GNAT2: variants seen among roughly 807,000 people sequenced by gnomAD.
The protein encoded by GNAT2 is G protein subunit alpha transducin 2.
A neutral mutation model predicts 40.9 loss-of-function variants in GNAT2; 32 were observed. That is an observed-to-expected ratio of 0.78 (90% CI 0.59 to 1.05). The LOEUF (loss-of-function observed/expected upper bound fraction) is 1.05, where lower values mean the gene tolerates loss of function less well. GNAT2 is among the 50% of genes least tolerant of loss of function. The pLI is 0.00. For synonymous variants in GNAT2, 141 were observed against 157.2 expected (o/e 0.90, Z 0.77); for missense variants, 355 against 431.5 (o/e 0.82, Z 1.57).
chr1:109,614,191 C>T (rs1219612647), intron 1 of GNAT2: 1 of 152,194 alleles, frequency 6.6e-6, no homozygotes, highest in Admixed American at 6.5e-5. Flanking sequence ...ACTTCTGATT[C>T]AGAATCCGCA....
intron 2 of GNAT2, 82 bp downstream of exon 2, chr1:109,612,671 G>A (rs1649832652): frequency 1.2e-6 from 1 of 849,854 alleles, no homozygotes; most frequent in Non-Finnish European, 2.1e-6. Flanking sequence ...TCCTTCCCAT[G>A]GGGTGAGGTA....
chr1:109,612,182 T>C (rs988779023), intron 2 of GNAT2: 7 of 174,788 alleles, frequency 4.0e-5, no homozygotes, highest in Non-Finnish European at 7.5e-5. Context: ...AGCTATTGAA[T>C]AGAGAGCCAG....
intron 1 of GNAT2, chr1:109,615,281 G>A (rs1038578451): frequency 5.3e-5 from 8 of 152,090 alleles, no homozygotes; most frequent in African/African-American, 1.9e-4. Context: ...GAGGTGGGTG[G>A]ATGACCTGAG....
intron 7 of GNAT2, 69 bp from the exon 8 acceptor site, chr1:109,604,173 T>A (rs994147843): frequency 2.0e-5 from 25 of 1,247,068 alleles, no homozygotes; most frequent in Non-Finnish European, 2.9e-5. Context: ...TTCCTGCTCT[T>A]GTTCCCCTTG....
Position 109,612,850 on chromosome 1 carries a change from A to C in GNAT2, c.21T>G (p.Ala7=). Residue 7 remains alanine, a synonymous_variant, in exon 2 of 9, where the codon GCT becomes GCG. Transcript: ENST00000679935. ...ACCTCTTGGCCAGTTCTTTGTCCTC[A>C]GCACTGGCTCCACTTCCCATATTTG... The part of the protein sequence containing the change: MGSGAS[A]EDKELAKRSK... 4 of 1,611,160 alleles carry C rather than the reference A, an allele frequency of 2.5e-6. No individual in the cohort carries two copies. The highest frequency in any genetic ancestry group is 3.4e-6 in the Non-Finnish European group (4 of 1,177,410).
Position 109,613,051 on chromosome 1 carries a change from G to A in GNAT2, c.-53-128C>T, listed in dbSNP as rs1428447541. On this transcript the variant is annotated intron_variant, in intron 1 of 8. Coordinates refer to ENST00000679935, the MANE Select transcript of GNAT2 (RefSeq NM_001377295.2). ...TAGGGTCTTGTACTCTGCCTACATT[G>A]ACTGAGACTCCCTACTTCAACTGGA... 63 of 688,892 alleles carry A rather than the reference G, an allele frequency of 9.1e-5. No homozygotes were observed. In the East Asian group the frequency reaches 1.6e-3, roughly 18 times the overall value. The allele number at this position is 688,892 out of a possible 1,614,324, so 42.7% of individuals were successfully genotyped here.
In GNAT2 at chr1:109,603,424, A is replaced by G. The variant is rs746845652; in HGVS notation, c.995T>C (p.Val332Ala). The change falls in exon 9 of 9, where the codon GTC becomes GCC. Residue 332 changes from valine to alanine, a missense_variant. By Grantham distance (64) the Val-to-Ala change is moderately conservative. Transcript: ENST00000679935. ...TGTAACTGCATCAAACACAAATTTGACATTCTGTGTATCTGTAGCACAGGT... is the reference window on the plus strand; with the variant it reads ...TGTAACTGCATCAAACACAAATTTGGCATTCTGTGTATCTGTAGCACAGGT... ...HMTCATDTQN[V>A]KFVFDAVTDI... 6.2e-7 allele frequency: 1 copy of G among 1,602,194 alleles called. No homozygotes were observed. The highest frequency in any genetic ancestry group is 8.6e-7 in the Non-Finnish European group (1 of 1,169,132).
Position 109,603,314 on chromosome 1 carries a change from A to G in GNAT2, c.*40T>C. 1 of 1,139,218 alleles carries G rather than the reference A, an allele frequency of 8.8e-7. No homozygotes were observed. The highest frequency in any genetic ancestry group is 1.2e-5 in the South Asian group (1 of 81,410). 70.6% of individuals were successfully genotyped at this position (1,139,218 alleles called of 1,614,324 possible). On this transcript the variant is annotated 3_prime_UTR_variant, in exon 9 of 9. Coordinates refer to ENST00000679935, the MANE Select transcript of GNAT2 (RefSeq NM_001377295.2). Reference sequence around the variant, plus strand: ...TTCTGTTTTTAATTACCCAGATTCCAAGCCTGTTTATAGAACTTATACCTG... The same window carrying G: ...TTCTGTTTTTAATTACCCAGATTCCGAGCCTGTTTATAGAACTTATACCTG...
intron 5 of GNAT2, chr1:109,606,954 G>C (rs1055050208): frequency 6.1e-6 from 1 of 163,450 alleles, no homozygotes; most frequent in African/African-American, 2.4e-5. Flanking sequence ...TTATAAAAAG[G>C]GTCAATATTT....
chr1:109,609,950 A>G, intron 4 of GNAT2, 90 bp downstream of exon 4: 1 of 1,298,722 alleles, frequency 7.7e-7, no homozygotes, highest in South Asian at 1.2e-5. Flanking sequence ...TTTCTTACCC[A>G]TCTTTCCATA....
chr1:109,612,190 C>T (rs1649816202), intron 2 of GNAT2: 1 of 176,952 alleles, frequency 5.7e-6, no homozygotes, highest in Admixed American at 5.4e-5. Context: ...AATAGAGAGC[C>T]AGGAAGGGAC....
At position 109,608,695 on chromosome 1, in the gene GNAT2, C is replaced by T. The variant is rs754150816; in HGVS notation, c.397G>A (p.Asp133Asn). ...LVEVIRRLWK[D>N]GGVQACFERA... ...TCGAAGCAGGCTTGCACCCCACCAT[C>T]CTTCCACAACCTCCTAATGACCTCC... The change falls in exon 5 of 9, where the codon GAT becomes AAT. Residue 133 changes from aspartate to asparagine, a missense_variant. By Grantham distance (23) the Asp-to-Asn change is conservative (BLOSUM62 1). Coordinates refer to ENST00000679935, the MANE Select transcript of GNAT2 (RefSeq NM_001377295.2). The T allele has an allele frequency of 3.7e-6, 6 of 1,614,054 alleles. No homozygotes were observed. Among genetic ancestry groups the T allele is most frequent in the Non-Finnish European group, 4.2e-6 (5 of 1,179,906 alleles).
At position 109,603,980 on chromosome 1, in the gene GNAT2, T is replaced by C; in HGVS notation, c.845A>G (p.His282Arg). The change falls in exon 8 of 9, where the codon CAT becomes CGT. Residue 282 changes from histidine to arginine, a missense_variant. Transcript: ENST00000679935. ...DLFEEKIKKV[H>R]LSICFPEYDG... Reference sequence around the variant, plus strand: ...ATACTCTGGAAAACAAATGCTGAGATGGACTTTCTTGATTTTTTCCTCAAA... The same window carrying C: ...ATACTCTGGAAAACAAATGCTGAGACGGACTTTCTTGATTTTTTCCTCAAA... 1.2e-6 allele frequency: 2 copies of C among 1,610,414 alleles called. No homozygotes were observed. The highest frequency in any genetic ancestry group is 1.7e-6 in the Non-Finnish European group (2 of 1,176,688).
At chr1:109,609,104 G>T in intron 4 of GNAT2, 1 of 411,164 alleles carries the variant, frequency 2.4e-6, no homozygotes, top group Non-Finnish European at 4.6e-6. Context: ...GTCCTCTGCT[G>T]CAGAGAGACT....
rs750410966 is a variant in GNAT2, at chr1:109,603,542, T to C, written c.877A>G (p.Asn293Asp). Residue 293 changes from asparagine to aspartate, a missense_variant and splice_region_variant, in exon 9 of 9, where the codon AAC (asparagine) becomes GAC (aspartate). Asn to Asp is a conservative substitution (Grantham distance 23). Transcript: ENST00000679935. ...LSICFPEYDG[N>D]NSYDDAGNYI... ...TTCCCCGCATCATCATAGGAGTTGTTACCTGGTTTTCCAGAAAAATAGTGA... is the reference window on the plus strand; with the variant it reads ...TTCCCCGCATCATCATAGGAGTTGTCACCTGGTTTTCCAGAAAAATAGTGA... 1.2e-6 allele frequency: 2 copies of C among 1,603,010 alleles called. No homozygotes were observed. Among genetic ancestry groups the C allele is most frequent in the Admixed American group, 3.3e-5 (2 of 60,002 alleles).
At chr1:109,610,845 A>T in intron 2 of GNAT2, 1 of 404,994 alleles carries the variant, frequency 2.5e-6, no homozygotes, top group Non-Finnish European at 4.6e-6. Context: ...CCAAATGACC[A>T]CTGGCAGTCA....
At position 109,610,046 on chromosome 1, in the gene GNAT2, G is replaced by T. The variant is rs1279813193; in HGVS notation, c.297C>A (p.Ser99Arg). Residue 99 changes from serine to arginine, a missense_variant, in exon 4 of 9, where the codon AGC (serine) becomes AGA (arginine). Ser to Arg is a moderately radical substitution (Grantham distance 110, BLOSUM62 -1). Transcript: ENST00000679935. ...CATAATAGTAATCACATACCGCACA[G>T]CTTGGTTCAGCATAATCGATGCCCA... is the stretch of plus-strand genomic sequence containing the variant. ...TTLGIDYAEP[S>R]CADDGRQLNN... The T allele has an allele frequency of 6.2e-7, 1 of 1,614,022 alleles. No individual in the cohort carries two copies. Among genetic ancestry groups the T allele is most frequent in the Admixed American group, 1.7e-5 (1 of 60,018 alleles).
chr1:109,603,617 T>C, intron 8 of GNAT2, 73 bp from the exon 9 acceptor site: 1 of 994,888 alleles, frequency 1.0e-6, no homozygotes, highest in South Asian at 1.3e-5. Context: ...CTTTAGGTGA[T>C]TGACTTGATC....
At chr1:109,605,247 G>C (rs147351007) in intron 7 of GNAT2, 1 of 153,194 alleles carries the variant, frequency 6.5e-6, no homozygotes, top group Non-Finnish European at 1.5e-5. Context: ...GCAGATGCTT[G>C]GGTGAAATTA....
Sources: allele counts gnomAD v4.1 joint callset, GRCh38; gene constraint gnomAD v4.1.1; transcripts MANE v1.5; gene names NCBI Gene and HGNC (gene_info 2026-07-23, HGNC 2026-07-21).